Variants in CDC42EP4 observed in about 807,000 individuals in gnomAD.
The protein encoded by CDC42EP4 is CDC42 effector protein 4.
A neutral mutation model predicts 5.6 loss-of-function variants in CDC42EP4; 6 were observed. The ratio of observed to expected loss-of-function variants is 1.07; its 90% CI spans 0.59 to 2.12. The LOEUF (loss-of-function observed/expected upper bound fraction) is 2.12. Among genes scored for constraint, CDC42EP4 ranks in the 30% most tolerant of loss-of-function variants. The pLI is 0.00. For missense variants in CDC42EP4, 490 were observed against 508.6 expected, an observed-to-expected ratio of 0.96 and a Z score of 0.35; for synonymous variants, 230 against 224.2, an observed-to-expected ratio of 1.03 and a Z score of -0.23.
chr17:73,285,607 G>T lies in CDC42EP4; in HGVS notation c.894C>A (p.Ser298Arg). 6.2e-7 allele frequency: 1 copy of T among 1,608,090 alleles called. No homozygotes were observed. The highest frequency in any genetic ancestry group is 8.5e-7 in the Non-Finnish European group (1 of 1,177,304). ...TGTCCCGTGTGGTGTGGCTGCCCAT[G>T]CTGCGGGCTGAGCCGGGGCTGGGGG... ...AAAPSPGSAR[S>R]MGSHTTRDSS... Residue 298 changes from serine (S) to arginine (R), a missense_variant, in exon 2 of 2, where the codon AGC becomes AGA. By Grantham distance (110) the Ser-to-Arg change is moderately radical. Transcript: ENST00000335793. This position sits in a 1 kb window ranked among gnomAD's most constrained non-coding sequence, Gnocchi z 6.8.
At chr17:73,309,398 G>A (rs1252880661) in intron 1 of CDC42EP4, among the ~76,000 whole-genome samples, 1 of 152,056 alleles carries the variant, frequency 6.6e-6, no homozygotes, top group Non-Finnish European at 1.5e-5. Flanking sequence ...AAAGACTGGT[G>A]TAAGATTCCT....
chr17:73,292,962 C>T (rs1054265334), intron 1 of CDC42EP4, among the ~76,000 whole-genome samples: 2 of 152,200 alleles, frequency 1.3e-5, no homozygotes, highest in African/African-American at 4.8e-5. Flanking sequence ...AGGTGATCTG[C>T]CCGCCTCGGC....
chr17:73,302,886 C>CA (rs982342233), intron 1 of CDC42EP4, among the ~76,000 whole-genome samples: 5 of 146,524 alleles, frequency 3.4e-5, no homozygotes, highest in Non-Finnish European at 6.0e-5. Flanking sequence ...ACTAAAAATA[C>CA]AAAAAAAATT....
At chr17:73,299,579 C>A (rs1054902793) in intron 1 of CDC42EP4, among the ~76,000 whole-genome samples, 8 of 152,100 alleles carry the variant, frequency 5.3e-5, no homozygotes, top group Non-Finnish European at 8.8e-5. Flanking sequence ...TGTGGGATTA[C>A]AAGCACGAAC....
chr17:73,297,996 G>GGA (rs1268511861), intron 1 of CDC42EP4, among the ~76,000 whole-genome samples: 1 of 103,406 alleles, frequency 9.7e-6, no homozygotes, highest in African/African-American at 3.4e-5. Flanking sequence ...CAACAACAGC[G>GGA]AAAAAAAAAA....
chr17:73,310,743 T>TCACACACACACACACACA (rs57841496), intron 1 of CDC42EP4: 1 of 134,540 alleles, frequency 7.4e-6, no homozygotes, highest in Non-Finnish European at 1.6e-5. Context: ...CCTCCCCCAG[T>TCACACACACACACACACA]CACACACACA....
At chr17:73,307,829 C>T (rs1262348492) in intron 1 of CDC42EP4, among the ~76,000 whole-genome samples, 1 of 148,770 alleles carries the variant, frequency 6.7e-6, no homozygotes, top group East Asian at 2.0e-4. Context: ...GCAACCTCCA[C>T]CTCTTGGGTT....
intron 1 of CDC42EP4, among the ~76,000 whole-genome samples, chr17:73,292,220 G>A (rs552101676): frequency 1.4e-3 from 217 of 152,352 alleles, no homozygotes; most frequent in Non-Finnish European, 1.6e-3. Context: ...ACTGCTGCTG[G>A]GCAGCATGCC....
At chr17:73,299,798 T>C (rs1354997478) in intron 1 of CDC42EP4, among the ~76,000 whole-genome samples, 1 of 152,114 alleles carries the variant, frequency 6.6e-6, no homozygotes, top group South Asian at 2.1e-4. Context: ...AAGACTCACA[T>C]TACTGCCTCC....
At chr17:73,292,465 C>T (rs73996142) in intron 1 of CDC42EP4, among the ~76,000 whole-genome samples, 28,599 of 149,606 alleles carry the variant, frequency 0.19, 3,208 homozygotes, top group East Asian at 0.38. Flanking sequence ...GAAAATAGCA[C>T]GCTGTTTTCC....
chr17:73,293,454 G>C (rs1344488690), intron 1 of CDC42EP4, among the ~76,000 whole-genome samples: 2 of 151,072 alleles, frequency 1.3e-5, no homozygotes, highest in African/African-American at 4.8e-5. Flanking sequence ...AGGATCAAAT[G>C]GGACTCCAGG....
chr17:73,303,895 C>T (rs536693302), intron 1 of CDC42EP4, among the ~76,000 whole-genome samples: 1 of 152,308 alleles, frequency 6.6e-6, no homozygotes, highest in African/African-American at 2.4e-5. Context: ...GCCAATAACT[C>T]ACTCAGCCAG....
At chr17:73,304,658 G>A (rs543059998) in intron 1 of CDC42EP4, among the ~76,000 whole-genome samples, 1 of 151,558 alleles carries the variant, frequency 6.6e-6, no homozygotes, top group Non-Finnish European at 1.5e-5. Context: ...ATCGGGGTGG[G>A]GGGGGCGGGT....
chr17:73,292,037 A>G lies in CDC42EP4; in HGVS notation c.-112-5425T>C, dbSNP rs200685001. On this transcript the variant is annotated intron_variant, in intron 1 of 1. Transcript: ENST00000335793. The stretch of plus-strand genomic sequence containing the variant: ...AGGACAGACGGGACCAACACTTCTC[A>G]CTCCAAGTGACCGGGCAGTGGCCTG... 1.2e-4 allele frequency among the ~76,000 whole-genome samples: 19 copies of G among 152,086 alleles called. No homozygotes were observed. The East Asian group carries it at 3.3e-3, about 26-fold the overall frequency.
chr17:73,290,352 C>T (rs943586561), intron 1 of CDC42EP4, among the ~76,000 whole-genome samples: 7 of 152,224 alleles, frequency 4.6e-5, no homozygotes, highest in African/African-American at 1.7e-4. Context: ...TGCTCCTCCC[C>T]ACTGCTGGCC....
rs1051017823 is a variant in CDC42EP4, at chr17:73,286,597, TGAG to T, written c.-100_-98del. The T allele has an allele frequency of 3.7e-5, 31 of 831,668 alleles. No homozygotes were observed. Among genetic ancestry groups the T allele is most frequent in the African/African-American group, 2.8e-4 (16 of 57,998 alleles). 51.5% of individuals were successfully genotyped at this position (831,668 alleles called of 1,614,324 possible). A position where few individuals can be genotyped will look rare whatever the true frequency, so the allele number is the denominator to read the frequency against. On this transcript the variant is annotated 5_prime_UTR_variant, in exon 2 of 2. Transcript: ENST00000335793. The surrounding 1 kb of genome is among the most constrained non-coding windows in gnomAD (Gnocchi z 7.7). Reference sequence around the variant, plus strand: ...GTCCAGTGGGCAGAGGGGGACGCAATGAGGAGATCATAAGGCTGCAAGCAGAGA... The same window carrying T: ...GTCCAGTGGGCAGAGGGGGACGCAATGAGATCATAAGGCTGCAAGCAGAGA...
At position 73,284,402 on chromosome 17, in the gene CDC42EP4, AG is replaced by A. The variant is rs1249544790; in HGVS notation, c.*1027del. 6.6e-6 allele frequency: 1 copy of A among 152,188 alleles called. No homozygotes were observed. The highest frequency in any genetic ancestry group is 1.9e-4 in the East Asian group (1 of 5,192). 9.4% of individuals were successfully genotyped at this position (152,188 alleles called of 1,614,324 possible). A position where few individuals can be genotyped will look rare whatever the true frequency, so the allele number is the denominator to read the frequency against. On this transcript the variant is annotated 3_prime_UTR_variant, in exon 2 of 2. Transcript: ENST00000335793. ...AAAATATTCTGCACTGGCCTTCCTCAGTTGTTAATAGCTATGGGAGGTGCGT... is the reference window on the plus strand; with the variant it reads ...AAAATATTCTGCACTGGCCTTCCTCATTGTTAATAGCTATGGGAGGTGCGT...
At chr17:73,311,205 G>A (rs2062273295) in intron 1 of CDC42EP4, 1 of 152,240 alleles carries the variant, frequency 6.6e-6, no homozygotes, top group African/African-American at 2.4e-5. Flanking sequence ...AGCGGGCGGG[G>A]CGGGAGCCTG....
At position 73,285,548 on chromosome 17, in the gene CDC42EP4, A is replaced by C. The variant is rs191502135; in HGVS notation, c.953T>G (p.Leu318Arg). The change falls in exon 2 of 2, where the codon CTG becomes CGG. Residue 318 changes from leucine (L) to arginine (R), a missense_variant. By Grantham distance (102) the Leu-to-Arg change is moderately radical. Coordinates refer to ENST00000335793, the MANE Select transcript of CDC42EP4 (RefSeq NM_012121.5). The surrounding 1 kb of genome is among the most constrained non-coding windows in gnomAD (Gnocchi z 6.8). ...SSLSSCTSGI[L>R]EERSPAFRGP... ...CCGGAAGGCAGGGCTGCGCTCCTCC[A>C]GGATGCCTGAGGTGCAGCTGGAGAG... 147 of 1,611,998 alleles carry C rather than the reference A, an allele frequency of 9.1e-5. No individual in the cohort carries two copies. The East Asian group carries it at 3.1e-3, about 34-fold the overall frequency.
Sources: allele counts gnomAD v4.1 joint callset (sites outside exome capture counted in the v4.1 genomes callset), GRCh38; gene constraint gnomAD v4.1.1; non-coding constraint Gnocchi (gnomAD v3.1); transcripts MANE v1.5; gene names NCBI Gene and HGNC (gene_info 2026-07-23, HGNC 2026-07-21).